Variants in ZNF729 observed in about 807,000 individuals in gnomAD.
ZNF729 encodes the protein zinc finger protein 729.
In ZNF729, 15 loss-of-function variants were observed where a neutral mutation model predicts 12.2. The ratio of observed to expected loss-of-function variants is 1.23; its 90% CI spans 0.82 to 1.89. The LOEUF (loss-of-function observed/expected upper bound fraction) is 1.89, where lower values mean the gene tolerates loss of function less well. Ranked by LOEUF, ZNF729 falls within the 40% of genes most tolerant of loss-of-function variation. The pLI, the probability that ZNF729 is intolerant of heterozygous loss-of-function variation, is 0.00. For synonymous variants in ZNF729, 492 were observed against 476.3 expected (o/e 1.03, Z -0.43); for missense variants, 1,540 against 1,456.7 (o/e 1.06, Z -0.93).
chr19:22,300,651 A>C (rs1478552561), intron 1 of ZNF729, among the ~76,000 whole-genome samples: 4 of 152,190 alleles, frequency 2.6e-5, no homozygotes, highest in African/African-American at 4.8e-5. Context: ...CTTTTAGAGA[A>C]GCTAGATCAG....
In ZNF729 at chr19:22,316,164, C is replaced by G; in HGVS notation, c.2747C>G (p.Ala916Gly). The change falls in exon 4 of 4, where the codon GCT becomes GGT. Residue 916 changes from alanine to glycine, a missense_variant. Transcript: ENST00000601693. ...KPCKCEECGK[A>G]FKHFSALRKH... is the part of the protein sequence containing the mutation. ...TGTAAATGTGAAGAATGTGGCAAAG[C>G]TTTTAAGCATTTCTCAGCCCTTAGA... is the stretch of plus-strand genomic sequence containing the variant. 6.3e-7 allele frequency: 1 copy of G among 1,580,518 alleles called. No individual in the cohort carries two copies. Among genetic ancestry groups the G allele is most frequent in the Non-Finnish European group, 8.7e-7 (1 of 1,154,798 alleles).
chr19:22,313,552 G>A (rs912769629), intron 3 of ZNF729, 119 bp from the exon 4 acceptor site: 1 of 848,798 alleles, frequency 1.2e-6, no homozygotes, highest in Non-Finnish European at 1.7e-6. Context: ...AGAAATTAGG[G>A]CCTGTCTTAT....
intron 1 of ZNF729, among the ~76,000 whole-genome samples, chr19:22,297,890 A>G (rs1174540095): frequency 6.6e-6 from 1 of 151,370 alleles, no homozygotes; most frequent in East Asian, 2.0e-4. Flanking sequence ...CTGTAATCTC[A>G]GCTACTCGGG....
At chr19:22,294,553 G>A (rs1400795200) in intron 1 of ZNF729, among the ~76,000 whole-genome samples, 2 of 151,294 alleles carry the variant, frequency 1.3e-5, no homozygotes, top group Non-Finnish European at 2.9e-5. Flanking sequence ...TCTTTTTTTG[G>A]GCATTATGGC....
chr19:22,313,774 T>C lies in ZNF729; in HGVS notation c.357T>C (p.Asn119=). 1 of 1,597,876 alleles carries C rather than the reference T, an allele frequency of 6.3e-7. No homozygotes were observed. The highest frequency in any genetic ancestry group is 8.5e-7 in the Non-Finnish European group (1 of 1,173,280). Residue 119 remains asparagine (N), a synonymous_variant, in exon 4 of 4, where the codon AAT becomes AAC. Transcript: ENST00000601693. ...LRTYARCGHK[N]LRLRKDCKSA... is the part of the protein sequence containing the mutation. ...CATATGCAAGATGTGGACATAAGAA[T>C]TTACGATTAAGAAAAGATTGTAAAA...
intron 3 of ZNF729, among the ~76,000 whole-genome samples, chr19:22,305,837 G>C (rs2145051980): frequency 6.6e-6 from 1 of 152,082 alleles, no homozygotes; most frequent in South Asian, 2.1e-4. Context: ...GTCTCACTCT[G>C]TCAGCCAGGC....
intron 3 of ZNF729, 142 bp downstream of exon 3, chr19:22,304,925 C>G (rs966196833): frequency 2.3e-5 from 20 of 869,144 alleles, no homozygotes; most frequent in Middle Eastern, 2.3e-4. Flanking sequence ...AAATTTTGCT[C>G]TCACGTAGAG....
chr19:22,297,194 A>G (rs55701013), intron 1 of ZNF729, among the ~76,000 whole-genome samples: 27,488 of 151,814 alleles, frequency 0.18, 2,904 homozygotes, highest in East Asian at 0.28. Flanking sequence ...GCCTTCTACT[A>G]TTGTGTCAGA....
At position 22,314,384 on chromosome 19, in the gene ZNF729, G is replaced by A. The variant is rs868862586; in HGVS notation, c.967G>A (p.Glu323Lys). The A allele has an allele frequency of 6.3e-7, 1 of 1,591,850 alleles. No individual in the cohort carries two copies. The highest frequency in any genetic ancestry group is 8.6e-7 in the Non-Finnish European group (1 of 1,166,542). The change falls in exon 4 of 4, where the codon GAA (glutamate) becomes AAA (lysine). Residue 323 changes from glutamate (E) to lysine (K), a missense_variant. Transcript: ENST00000601693. ...IHTAEKPYKC[E>K]DCGKTFNHFS... ...TACTGCAGAGAAACCCTACAAATGT[G>A]AAGATTGTGGCAAAACTTTTAACCA... is the stretch of plus-strand genomic sequence containing the variant.
intron 1 of ZNF729, among the ~76,000 whole-genome samples, chr19:22,291,132 G>A (rs113013410): frequency 0.022 from 3,337 of 152,166 alleles, 108 homozygotes; most frequent in African/African-American, 0.076. Context: ...TGGTGTTGGA[G>A]AATTGCTTGG....
At chr19:22,293,824 T>G (rs1968188536) in intron 1 of ZNF729, among the ~76,000 whole-genome samples, 1 of 152,180 alleles carries the variant, frequency 6.6e-6, no homozygotes, top group African/African-American at 2.4e-5. Context: ...GGAGGTCGTT[T>G]GTTTGTTTCT....
Position 22,316,613 on chromosome 19 carries a change from C to T in ZNF729, c.3196C>T (p.His1066Tyr). 1 of 1,612,846 alleles carries T rather than the reference C, an allele frequency of 6.2e-7. No individual in the cohort carries two copies. The highest frequency in any genetic ancestry group is 1.3e-5 in the African/African-American group (1 of 74,882). ...AFKWSSKLTE[H>Y]KVIHTGEKPC... ...TAAGTGGTCCTCAAAACTTACTGAA[C>T]ATAAGGTAATTCATACTGGAGAGAA... is the stretch of plus-strand genomic sequence containing the variant. The change falls in exon 4 of 4, where the codon CAT (histidine) becomes TAT (tyrosine). Residue 1066 changes from histidine (H) to tyrosine (Y), a missense_variant. Transcript: ENST00000601693.
At position 22,315,632 on chromosome 19, in the gene ZNF729, C is replaced by T; in HGVS notation, c.2215C>T (p.Pro739Ser). 1.2e-6 allele frequency: 2 copies of T among 1,608,728 alleles called. No individual in the cohort carries two copies. Among genetic ancestry groups the T allele is most frequent in the Non-Finnish European group, 1.7e-6 (2 of 1,179,308 alleles). The change falls in exon 4 of 4, where the codon CCC (proline) becomes TCC (serine). Residue 739 changes from proline to serine, a missense_variant. Pro to Ser is a moderately conservative substitution (Grantham distance 74). Transcript: ENST00000601693. ...VHKVIHTAEK[P>S]CKCEECGKSF... Reference sequence around the variant, plus strand: ...TAAGGTAATTCATACTGCAGAGAAACCCTGCAAATGTGAAGAATGTGGCAA... The same window carrying T: ...TAAGGTAATTCATACTGCAGAGAAATCCTGCAAATGTGAAGAATGTGGCAA...
chr19:22,288,018 G>A (rs764053231), intron 1 of ZNF729, among the ~76,000 whole-genome samples: 58 of 151,862 alleles, frequency 3.8e-4, no homozygotes, highest in South Asian at 1.2e-3. Context: ...GCTACTTTTT[G>A]TATTTTTAGT....
At chr19:22,296,347 G>A (rs1427956539) in intron 1 of ZNF729, among the ~76,000 whole-genome samples, 1 of 152,020 alleles carries the variant, frequency 6.6e-6, no homozygotes, top group Non-Finnish European at 1.5e-5. Context: ...TTTTTGTTCA[G>A]TCTTTGGAGA....
rs1437311952 is a variant in ZNF729, at chr19:22,286,569, G to T, written c.30+14G>T. 13 of 1,613,848 alleles carry T rather than the reference G, an allele frequency of 8.1e-6. No homozygotes were observed. The Admixed American group carries it at 2.0e-4, about 25-fold the overall frequency. On this transcript the variant is annotated intron_variant, in intron 1 of 3. Transcript: ENST00000601693. Reference sequence around the variant, plus strand: ...AGCCTAGAAATGGTGAGAGTGCCGGGTCCGACATCCCGAGAAGGGGAAGGG... The same window carrying T: ...AGCCTAGAAATGGTGAGAGTGCCGGTTCCGACATCCCGAGAAGGGGAAGGG...
intron 1 of ZNF729, among the ~76,000 whole-genome samples, chr19:22,302,880 C>A (rs1968331947): frequency 6.6e-6 from 1 of 150,518 alleles, no homozygotes; most frequent in Non-Finnish European, 1.5e-5. Context: ...ACCTCCACCT[C>A]CTGAGTTCAA....
intron 1 of ZNF729, among the ~76,000 whole-genome samples, chr19:22,292,371 G>A (rs532282538): frequency 6.6e-6 from 1 of 152,210 alleles, no homozygotes; most frequent in South Asian, 2.1e-4. Flanking sequence ...ACATAATCTT[G>A]TTCACTTTTT....
chr19:22,291,214 G>C (rs1181468554), intron 1 of ZNF729, among the ~76,000 whole-genome samples: 1 of 152,094 alleles, frequency 6.6e-6, no homozygotes, highest in Non-Finnish European at 1.5e-5. Flanking sequence ...ATGGATCTCT[G>C]GGTGTCTGGG....
Sources: gnomAD v4.1 joint callset for allele counts (sites outside exome capture counted in the v4.1 genomes callset) on GRCh38, gnomAD v4.1.1 for gene constraint, MANE v1.5 for transcripts, NCBI Gene and HGNC (gene_info 2026-07-23, HGNC 2026-07-21) for gene names.